MILR1: variants seen among roughly 807,000 people sequenced by gnomAD.
MILR1 encodes allergin-1.
Under a neutral mutation model 18.5 loss-of-function variants are expected in MILR1, and 31 were observed. That is an observed-to-expected ratio of 1.68 (90% CI 1.26 to 2.26). The LOEUF is 2.26. Among genes scored for constraint, MILR1 ranks in the 30% most tolerant of loss-of-function variants. The pLI is 0.00. For missense variants in MILR1, 257 were observed against 157.4 expected (o/e 1.63, Z -3.38); for synonymous variants, 85 against 56.2 (o/e 1.51, Z -2.30).
At chr17:64,491,769 C>G in the MILR1 span, 1 of 651,104 alleles carries the variant, frequency 1.5e-6, no homozygotes, top group East Asian at 3.3e-5. Flanking sequence ...CAAGCACGAG[C>G]GGCTATGCAA....
chr17:64,471,671 G>A (rs1429453912), downstream of MILR1, among the ~76,000 whole-genome samples: 1 of 152,230 alleles, frequency 6.6e-6, no homozygotes, highest in Admixed American at 6.5e-5. Context: ...CAACAATAGG[G>A]GTGGGTGTGG....
chr17:64,487,160 A>G, the MILR1 span: 1 of 152,234 alleles, frequency 6.6e-6, no homozygotes, highest in Non-Finnish European at 1.5e-5. Context: ...CACAGTCTTC[A>G]TTAATACATA....
At chr17:64,491,386 G>A in the MILR1 span, 1 of 589,624 alleles carries the variant, frequency 1.7e-6, no homozygotes, top group East Asian at 3.3e-5. Flanking sequence ...CTTGAGCTTA[G>A]GACTTCGAGA....
At chr17:64,487,090 AAAAG>A in the MILR1 span, 2 of 152,354 alleles carry the variant, frequency 1.3e-5, no homozygotes, top group African/African-American at 2.4e-5. Context: ...GAACAAAAAA[AAAAG>A]AGAGAAAACC....
At chr17:64,488,235 GA>G in the MILR1 span, among the ~76,000 whole-genome samples, 1 of 151,614 alleles carries the variant, frequency 6.6e-6, no homozygotes, top group African/African-American at 2.4e-5. Context: ...AATGGCCTCA[GA>G]AACATTTCAA....
At chr17:64,491,260 A>T in the MILR1 span, among the ~76,000 whole-genome samples, 1 of 152,152 alleles carries the variant, frequency 6.6e-6, no homozygotes, top group Admixed American at 6.5e-5. Flanking sequence ...CAGGATTCAG[A>T]GTAGCTGGGA....
chr17:64,496,967 A>G, the MILR1 span: 3 of 1,604,482 alleles, frequency 1.9e-6, no homozygotes, highest in Non-Finnish European at 2.5e-6. Context: ...ACGAGAGCGC[A>G]TCTCTCTCCG....
chr17:64,497,186 A>G, the MILR1 span: 3 of 622,198 alleles, frequency 4.8e-6, no homozygotes, highest in Non-Finnish European at 8.6e-6. Context: ...GTTCTCTGCT[A>G]GCTTGCCGTT....
chr17:64,466,468 T>A lies in MILR1; in HGVS notation c.880T>A (p.Ser294Thr), dbSNP rs782374130. 1 of 1,613,804 alleles carries A rather than the reference T, an allele frequency of 6.2e-7. No homozygotes were observed. The highest frequency in any genetic ancestry group is 8.5e-7 in the Non-Finnish European group (1 of 1,179,828). ...AKEESVPEVG[S>T]RPCVSTAQDE... is the part of the protein sequence containing the mutation. The stretch of plus-strand genomic sequence containing the variant: ...GGAGGAATCTGTGCCAGAAGTGGGA[T>A]CCAGGCCGTGTGTTTCCACAGCCCA... The change falls in exon 7 of 10, where the codon TCC becomes ACC. Residue 294 changes from serine to threonine, a missense_variant. Ser to Thr is a moderately conservative substitution (Grantham distance 58). Coordinates refer to ENST00000619286, the MANE Select transcript of MILR1 (RefSeq NM_001085423.2).
intron 3 of MILR1, among the ~76,000 whole-genome samples, chr17:64,455,208 G>T (rs1568064541): frequency 2.6e-5 from 4 of 152,110 alleles, no homozygotes; most frequent in Admixed American, 6.6e-5. Flanking sequence ...TGTTTTTTGT[G>T]CACGACCTTC....
the MILR1 span, among the ~76,000 whole-genome samples, chr17:64,493,300 T>C: frequency 6.6e-6 from 1 of 152,010 alleles, no homozygotes; most frequent in Non-Finnish European, 1.5e-5. Context: ...TGCCTTGTAG[T>C]CCCAGCTACT....
chr17:64,483,358 A>C, the MILR1 span, among the ~76,000 whole-genome samples: 1 of 151,308 alleles, frequency 6.6e-6, no homozygotes. Flanking sequence ...TACCAAAAAA[A>C]TACAAAAAAA....
downstream of MILR1, among the ~76,000 whole-genome samples, chr17:64,469,460 C>T (rs781989262): frequency 2.0e-5 from 3 of 152,148 alleles, no homozygotes; most frequent in South Asian, 2.1e-4. Context: ...TGCCATGGTA[C>T]GACCTTGGCT....
At chr17:64,470,826 CA>C (rs1334332529), downstream of MILR1, among the ~76,000 whole-genome samples, 1 of 152,198 alleles carries the variant, frequency 6.6e-6, no homozygotes, top group Non-Finnish European at 1.5e-5. Flanking sequence ...TTTCTCCTTG[CA>C]AATCTTCTAA....
intron 5 of MILR1, among the ~76,000 whole-genome samples, chr17:64,462,802 T>C (rs1357135977): frequency 6.6e-6 from 1 of 151,798 alleles, no homozygotes; most frequent in Non-Finnish European, 1.5e-5. Context: ...CACCATGTAT[T>C]TTTAGTAAAG....
intron 5 of MILR1, among the ~76,000 whole-genome samples, chr17:64,461,602 G>C (rs1039188515): frequency 1.3e-5 from 2 of 152,024 alleles, no homozygotes; most frequent in Non-Finnish European, 2.9e-5. Context: ...ATTGTTAATG[G>C]TGGTAAAATA....
chr17:64,485,828 G>A, the MILR1 span: 1 of 1,613,686 alleles, frequency 6.2e-7, no homozygotes, highest in Non-Finnish European at 8.5e-7. Context: ...CCCATTTACA[G>A]AGAGAACACA....
At chr17:64,490,901 T>A in the MILR1 span, 1 of 1,613,972 alleles carries the variant, frequency 6.2e-7, no homozygotes, top group Non-Finnish European at 8.5e-7. Flanking sequence ...TGTAGTAAAG[T>A]TTGTTTCCTT....
At chr17:64,459,998 T>G (rs2037391537) in intron 4 of MILR1, among the ~76,000 whole-genome samples, 1 of 68,790 alleles carries the variant, frequency 1.5e-5, no homozygotes, top group Non-Finnish European at 3.4e-5. Context: ...TTTATTTTAT[T>G]TATTTATTTA....
Sources: gnomAD v4.1 joint callset for allele counts (sites outside exome capture counted in the v4.1 genomes callset) on GRCh38, gnomAD v4.1.1 for gene constraint, MANE v1.5 for transcripts, NCBI Gene and HGNC (gene_info 2026-07-23, HGNC 2026-07-21) for gene names.